The following CD2 variants were observed in gnomAD, a reference collection of about 807,000 sequenced individuals.
CD2 encodes CD2 molecule, also known as T-cell surface antigen CD2.
Under a neutral mutation model 23.2 loss-of-function variants are expected in CD2, and 18 were observed. That is an observed-to-expected ratio of 0.77 (90% CI 0.54 to 1.15). The LOEUF (loss-of-function observed/expected upper bound fraction) is 1.15, where lower values mean the gene tolerates loss of function less well. Among genes scored for constraint, CD2 ranks in the 50% most tolerant of loss-of-function variants. The pLI is 0.00. For missense variants in CD2, 424 were observed against 423.1 expected, an observed-to-expected ratio of 1.00 and a Z score of -0.02; for synonymous variants, 162 against 151.9, an observed-to-expected ratio of 1.07 and a Z score of -0.49.
At chr1:116,758,294 G>A (rs1436218060) in intron 2 of CD2, among the ~76,000 whole-genome samples, 1 of 152,072 alleles carries the variant, frequency 6.6e-6, no homozygotes, top group African/African-American at 2.4e-5. Flanking sequence ...CTGGCTTGGG[G>A]AGGAAGACAG....
At position 116,768,926 on chromosome 1, in the gene CD2, C is replaced by T; in HGVS notation, c.*143C>T. On this transcript the variant is annotated 3_prime_UTR_variant, in exon 5 of 5. Transcript: ENST00000369478. ...CTGTGGGCCACAGCCACCTCTGCAT[C>T]TTCGAACTCAGCCATGTGGTCAACA... The T allele has an allele frequency of 1.3e-6, 1 of 782,724 alleles. No individual in the cohort carries two copies. The highest frequency in any genetic ancestry group is 2.0e-6 in the Non-Finnish European group (1 of 494,254). The allele number at this position is 782,724 out of a possible 1,614,324, so 48.5% of individuals were successfully genotyped here.
At chr1:116,761,049 G>T (rs754604684) in intron 3 of CD2, among the ~76,000 whole-genome samples, 22 of 152,170 alleles carry the variant, frequency 1.4e-4, no homozygotes, top group Non-Finnish European at 3.2e-4. Flanking sequence ...CTCCCATCAG[G>T]AGTAAAGGTA....
Position 116,764,560 on chromosome 1 carries a change from C to T in CD2, c.690C>T (p.Leu230=), listed in dbSNP as rs776055123. ...TCTTGATGGTCTTTGTGGCACTGCT[C>T]GTTTTCTATATCACCAAAAGGAAAA... ...GSLLMVFVAL[L]VFYITKRKKQ... The change falls in exon 4 of 5, where the codon CTC becomes CTT. Residue 230 remains leucine, a synonymous_variant. Coordinates refer to ENST00000369478, the MANE Select transcript of CD2 (RefSeq NM_001767.5). 4.3e-6 allele frequency: 7 copies of T among 1,613,868 alleles called. No individual in the cohort carries two copies. The highest frequency in any genetic ancestry group is 2.2e-5 in the East Asian group (1 of 44,894).
At chr1:116,758,079 T>C (rs2101157630) in intron 2 of CD2, among the ~76,000 whole-genome samples, 1 of 151,466 alleles carries the variant, frequency 6.6e-6, no homozygotes, top group Admixed American at 6.6e-5. Flanking sequence ...AAATATTATA[T>C]TATTTATATA....
chr1:116,756,992 T>TC (rs1651872679), intron 2 of CD2, among the ~76,000 whole-genome samples: 1 of 100,784 alleles, frequency 9.9e-6, no homozygotes. Flanking sequence ...CAAGCTTCTC[T>TC]TTTTTTTTTT....
intron 3 of CD2, among the ~76,000 whole-genome samples, chr1:116,761,102 G>A (rs1652036603): frequency 6.6e-6 from 1 of 152,176 alleles, no homozygotes; most frequent in South Asian, 2.1e-4. Context: ...ATGGGGGAAT[G>A]GAGCCCTTGA....
At chr1:116,760,705 C>T in intron 3 of CD2, 73 bp downstream of exon 3, 2 of 1,147,754 alleles carry the variant, frequency 1.7e-6, no homozygotes, top group South Asian at 1.3e-5. Context: ...TGCTCCAGGT[C>T]ACAGGTGCTC....
In CD2 at chr1:116,768,508, AG is replaced by A; in HGVS notation, c.785del (p.Gly262AlafsTer100). The A allele has an allele frequency of 6.2e-7, 1 of 1,614,180 alleles. No individual in the cohort carries two copies. The highest frequency in any genetic ancestry group is 8.5e-7 in the Non-Finnish European group (1 of 1,180,032). ...AGCCCACAGAGTAGCTACTGAAGAA[AG>A]GGGCCGGAAGCCCCACCAAATTCCA... ...TRAHRVATEE[R>X]GRKPHQIPAS... On this transcript the variant is annotated frameshift_variant, in exon 5 of 5. Transcript: ENST00000369478. LOFTEE classifies it low-confidence loss of function (END_TRUNC).
chr1:116,767,632 A>G (rs1652255733), intron 4 of CD2, among the ~76,000 whole-genome samples: 1 of 151,424 alleles, frequency 6.6e-6, no homozygotes, highest in Non-Finnish European at 1.5e-5. Flanking sequence ...CACCCCAGGG[A>G]AAAACTTCTC....
intron 3 of CD2, among the ~76,000 whole-genome samples, chr1:116,761,611 T>A (rs1459967888): frequency 1.3e-5 from 2 of 152,222 alleles, no homozygotes; most frequent in African/African-American, 4.8e-5. Flanking sequence ...TCACTTCTGC[T>A]GTGTTCTGTT....
At chr1:116,755,874 A>G (rs1378858155) in intron 2 of CD2, among the ~76,000 whole-genome samples, 1 of 152,170 alleles carries the variant, frequency 6.6e-6, no homozygotes, top group Non-Finnish European at 1.5e-5. Flanking sequence ...CTGGGGAAGT[A>G]GTGACAAGAA....
At chr1:116,766,027 G>T (rs1652204903) in intron 4 of CD2, among the ~76,000 whole-genome samples, 1 of 152,256 alleles carries the variant, frequency 6.6e-6, no homozygotes, top group South Asian at 2.1e-4. Context: ...CTAGGCCGAG[G>T]CAAGGAGCCC....
chr1:116,759,123 T>C (rs999983830), intron 2 of CD2, among the ~76,000 whole-genome samples: 3 of 152,216 alleles, frequency 2.0e-5, no homozygotes, highest in Non-Finnish European at 4.4e-5. Context: ...ACGGGCAAAC[T>C]TCGTGACCCA....
chr1:116,764,800 T>C (rs1652165481), intron 4 of CD2, 194 bp downstream of exon 4: 1 of 577,192 alleles, frequency 1.7e-6, no homozygotes, highest in Non-Finnish European at 3.1e-6. Context: ...TTCTTAGTGG[T>C]GACAATGTGG....
At chr1:116,768,002 T>G (rs1652266820) in intron 4 of CD2, among the ~76,000 whole-genome samples, 1 of 152,140 alleles carries the variant, frequency 6.6e-6, no homozygotes, top group Non-Finnish European at 1.5e-5. Context: ...GGAAGGTGGA[T>G]TGCATGACAG....
At chr1:116,768,334 G>A in intron 4 of CD2, 130 bp from the exon 5 acceptor site, 1 of 791,364 alleles carries the variant, frequency 1.3e-6, no homozygotes, top group Non-Finnish European at 2.0e-6. Context: ...TCAGATAGTA[G>A]GGGCAACTTC....
Position 116,754,695 on chromosome 1 carries a change from C to T in CD2, c.126C>T (p.Asn42=), listed in dbSNP as rs189209558. 21 of 1,612,700 alleles carry T rather than the reference C, an allele frequency of 1.3e-5. No individual in the cohort carries two copies. The East Asian group carries it at 4.5e-4, about 34-fold the overall frequency. ...ETWGALGQDI[N]LDIPSFQMSD... ...GGGGTGCCTTGGGTCAGGACATCAACTTGGACATTCCTAGTTTTCAAATGA... is the reference window on the plus strand; with the variant it reads ...GGGGTGCCTTGGGTCAGGACATCAATTTGGACATTCCTAGTTTTCAAATGA... The change falls in exon 2 of 5, where the codon AAC becomes AAT. Residue 42 remains asparagine, a synonymous_variant. Transcript: ENST00000369478.
chr1:116,760,023 T>C (rs1651989900), intron 2 of CD2, among the ~76,000 whole-genome samples: 1 of 152,168 alleles, frequency 6.6e-6, no homozygotes, highest in Admixed American at 6.5e-5. Flanking sequence ...ATGTTTTAGG[T>C]GGTGCCCCAA....
intron 4 of CD2, among the ~76,000 whole-genome samples, chr1:116,767,385 A>G (rs798035): frequency 0.17 from 25,656 of 151,908 alleles, 2,832 homozygotes; most frequent in African/African-American, 0.29. Flanking sequence ...CCTGGTCGGG[A>G]GTTCGAGACC....
Sources: gnomAD v4.1 joint callset for allele counts (sites outside exome capture counted in the v4.1 genomes callset) on GRCh38, gnomAD v4.1.1 for gene constraint, MANE v1.5 for transcripts, NCBI Gene and HGNC (gene_info 2026-07-23, HGNC 2026-07-21) for gene names.